Variants in NECAB2 observed in about 807,000 individuals in gnomAD.
The protein encoded by NECAB2 is N-terminal EF-hand calcium binding protein 2.
NECAB2 carries 68 observed loss-of-function variants against 51.9 expected under a neutral mutation model. The observed-to-expected ratio is 1.31, with a 90% CI of 1.08 to 1.60. The LOEUF is 1.60. Among genes scored for constraint, NECAB2 ranks in the 40% most tolerant of loss-of-function variants. The pLI is 0.00. For synonymous variants in NECAB2, 329 were observed against 203.5 expected (o/e 1.62, Z -5.25); for missense variants, 854 against 490.3 (o/e 1.74, Z -7.00).
At chr16:83,973,139 C>A (rs529982033) in intron 2 of NECAB2, among the ~76,000 whole-genome samples, 5 of 152,214 alleles carry the variant, frequency 3.3e-5, no homozygotes, top group Admixed American at 3.3e-4. Flanking sequence ...ACATCAAGTA[C>A]CAAGCCTGTG....
upstream of NECAB2, chr16:83,965,341 C>T: frequency 6.4e-7 from 1 of 1,572,214 alleles, no homozygotes; most frequent in Non-Finnish European, 8.6e-7. Flanking sequence ...CCCGGCTGGG[C>T]ATCCCCGGGG....
intron 6 of NECAB2, among the ~76,000 whole-genome samples, chr16:83,993,782 C>A (rs2084656982): frequency 6.6e-6 from 1 of 152,064 alleles, no homozygotes; most frequent in African/African-American, 2.4e-5. Flanking sequence ...AGGCCCAGGT[C>A]AGGATCACAG....
chr16:84,000,474 C>T (rs557091884), intron 10 of NECAB2, among the ~76,000 whole-genome samples: 1 of 152,126 alleles, frequency 6.6e-6, no homozygotes. Context: ...CAGAGTGAGA[C>T]CCTATCTCAA....
chr16:83,972,022 G>A (rs1282970330), intron 1 of NECAB2, 129 bp from the exon 2 acceptor site: 2 of 1,259,876 alleles, frequency 1.6e-6, no homozygotes, highest in East Asian at 2.4e-5. Context: ...GAGAGGGAAG[G>A]GGGGCTCAGC....
intron 6 of NECAB2, among the ~76,000 whole-genome samples, chr16:83,991,081 C>G (rs2084618754): frequency 6.6e-6 from 1 of 151,948 alleles, no homozygotes; most frequent in Non-Finnish European, 1.5e-5. Flanking sequence ...TCCCTGGGTT[C>G]AAGCAATTCT....
At chr16:83,979,185 C>A (rs113171291) in intron 3 of NECAB2, among the ~76,000 whole-genome samples, 1 of 152,160 alleles carries the variant, frequency 6.6e-6, no homozygotes, top group African/African-American at 2.4e-5. Flanking sequence ...CTTGGGATTC[C>A]CCAGACAGGA....
chr16:83,972,810 A>G (rs1055797644), intron 2 of NECAB2, among the ~76,000 whole-genome samples: 1 of 152,168 alleles, frequency 6.6e-6, no homozygotes, highest in Non-Finnish European at 1.5e-5. Flanking sequence ...GACTCCTTGG[A>G]GGGGCTTCAC....
At chr16:84,001,718 C>T in intron 11 of NECAB2, 107 bp from the exon 12 acceptor site, 1 of 1,216,452 alleles carries the variant, frequency 8.2e-7, no homozygotes, top group Non-Finnish European at 1.2e-6. Flanking sequence ...ACCCCCCGTG[C>T]TTATTGATAA....
intron 8 of NECAB2, 91 bp from the exon 9 acceptor site, chr16:83,997,125 T>G (rs868591470): frequency 6.5e-7 from 1 of 1,530,582 alleles, no homozygotes; most frequent in Admixed American, 1.7e-5. Flanking sequence ...CCTTGGGAGC[T>G]CCCAACAGCC....
upstream of NECAB2, chr16:83,966,131 G>T: frequency 1.3e-6 from 1 of 775,154 alleles, no homozygotes; most frequent in South Asian, 1.9e-5. Context: ...CTGGCCTTTG[G>T]GGTCAAGAGG....
intron 3 of NECAB2, among the ~76,000 whole-genome samples, chr16:83,979,049 C>G (rs1189687699): frequency 2.0e-5 from 3 of 152,214 alleles, no homozygotes; most frequent in South Asian, 2.1e-4. Context: ...AGTCATAACC[C>G]TGACCTGCAT....
rs752468585 is a variant in NECAB2 at position 84,002,313 on chromosome 16, T to TCCC, written c.1133-5_1133-4insCCC. On this transcript the variant is annotated splice_region_variant and splice_polypyrimidine_tract_variant and intron_variant, in intron 12 of 12. Transcript: ENST00000305202. ...CTTCCCTCTAACGTGTCTCTCTCCT[T>TCCC]TTAGCTGCTTGGTGCACGGTGGGAC... The TCCC allele has an allele frequency of 2.5e-6, 4 of 1,613,786 alleles. No homozygotes were observed. In the South Asian group the frequency reaches 4.4e-5, roughly 18 times the overall value.
chr16:83,981,263 C>T (rs2084486138), intron 5 of NECAB2, 136 bp downstream of exon 5: 2 of 714,034 alleles, frequency 2.8e-6, no homozygotes, highest in Admixed American at 2.5e-5. Context: ...GCCTGGGCCT[C>T]TTTGAAGCAG....
intron 6 of NECAB2, among the ~76,000 whole-genome samples, chr16:83,991,282 C>G (rs1274400720): frequency 6.6e-6 from 1 of 151,880 alleles, no homozygotes; most frequent in South Asian, 2.1e-4. Context: ...CACAGCTAGC[C>G]TATTTTCTCT....
intron 8 of NECAB2, among the ~76,000 whole-genome samples, chr16:83,996,201 T>C (rs1174073433): frequency 6.6e-6 from 1 of 152,180 alleles, no homozygotes; most frequent in Non-Finnish European, 1.5e-5. Context: ...CTCCTCATCC[T>C]CCTATGGCTT....
chr16:83,985,051 G>A (rs926773238), intron 5 of NECAB2, among the ~76,000 whole-genome samples: 4 of 151,712 alleles, frequency 2.6e-5, no homozygotes, highest in African/African-American at 9.7e-5. Flanking sequence ...AGTGGCTCAC[G>A]CCTGTTATCC....
intron 5 of NECAB2, among the ~76,000 whole-genome samples, chr16:83,983,104 G>A (rs965479387): frequency 6.6e-6 from 1 of 152,026 alleles, no homozygotes; most frequent in African/African-American, 2.4e-5. Flanking sequence ...CCTGACTTGA[G>A]GTGATCCGCC....
intron 8 of NECAB2, among the ~76,000 whole-genome samples, chr16:83,995,410 G>T (rs1349442747): frequency 6.6e-6 from 1 of 152,120 alleles, no homozygotes; most frequent in African/African-American, 2.4e-5. Context: ...CCTGGAGCAT[G>T]GGACCCCTCC....
intron 6 of NECAB2, 138 bp from the exon 7 acceptor site, chr16:83,994,164 A>G (rs2084663428): frequency 1.3e-6 from 1 of 781,342 alleles, no homozygotes. Flanking sequence ...TCCTCTGTCA[A>G]AACAAAGGCC....
Sources: gnomAD v4.1 joint callset for allele counts (sites outside exome capture counted in the v4.1 genomes callset) on GRCh38, gnomAD v4.1.1 for gene constraint, MANE v1.5 for transcripts, NCBI Gene and HGNC (gene_info 2026-07-23, HGNC 2026-07-21) for gene names.